DNM2: variants seen among roughly 807,000 people sequenced by gnomAD.
DNM2 encodes the protein dynamin 2.
Under a neutral mutation model 99.0 loss-of-function variants are expected in DNM2, and 15 were observed. The ratio of observed to expected loss-of-function variants is 0.15; its 90% confidence interval spans 0.10 to 0.23. The LOEUF is 0.23. Ranked by LOEUF, DNM2 falls within the 10% of genes least tolerant of loss-of-function variation. DNM2 has a pLI of 1.00. For synonymous variants in DNM2, 525 were observed against 481.2 expected (o/e 1.09, Z -1.19); for missense variants, 742 against 1,189.4 (o/e 0.62, Z 5.53).
At chr19:10,823,483 C>G (rs2073049230) in intron 16 of DNM2, 2 of 380,068 alleles carry the variant, frequency 5.3e-6, no homozygotes, top group Non-Finnish European at 1.0e-5. Context: ...TGAAAATGCC[C>G]CAGTGGGAGC....
intron 1 of DNM2, among the ~76,000 whole-genome samples, chr19:10,756,557 C>T (rs1451439941): frequency 6.6e-6 from 1 of 152,180 alleles, no homozygotes; most frequent in Admixed American, 6.5e-5. Context: ...CGTGACAGGC[C>T]TAGTGCCTGG....
chr19:10,758,617 G>T (rs2070507782), intron 1 of DNM2, among the ~76,000 whole-genome samples: 1 of 137,532 alleles, frequency 7.3e-6, no homozygotes, highest in Non-Finnish European at 1.6e-5. Flanking sequence ...CACGATCTCA[G>T]CTCACTGCAA....
At chr19:10,804,420 G>A (rs1826670911) in intron 12 of DNM2, among the ~76,000 whole-genome samples, 1 of 152,178 alleles carries the variant, frequency 6.6e-6, no homozygotes, top group South Asian at 2.1e-4. Flanking sequence ...CTGGCGCAGT[G>A]GCTCATGCCT....
In DNM2 at chr19:10,817,523, C is replaced by A. The variant is rs1253263682; in HGVS notation, c.1672-2457C>A. On this transcript the variant is annotated intron_variant, in intron 15 of 20. Transcript: ENST00000389253. The surrounding 1 kb of genome is among the most constrained non-coding windows in gnomAD (Gnocchi z 4.6). ...GGGCCGGCTATCCATCCTGCAGAACCCCCCAGGCAGACGCTGGGGCCACCA... is the reference window on the plus strand; with the variant it reads ...GGGCCGGCTATCCATCCTGCAGAACACCCCAGGCAGACGCTGGGGCCACCA... 4.5e-6 allele frequency: 2 copies of A among 442,536 alleles called. No individual in the cohort carries two copies. Among genetic ancestry groups the A allele is most frequent in the Admixed American group, 5.5e-5 (2 of 36,442 alleles). 27.4% of individuals were successfully genotyped at this position (442,536 alleles called of 1,614,324 possible).
chr19:10,823,991 A>G (rs886500407), intron 17 of DNM2, 92 bp downstream of exon 17: 2 of 1,256,614 alleles, frequency 1.6e-6, no homozygotes, highest in African/African-American at 1.5e-5. Flanking sequence ...TTTTCAGGCC[A>G]TGTTAGCCAG....
Position 10,812,261 on chromosome 19 carries a change from C to T in DNM2, c.1558-3C>T, listed in dbSNP as rs749134974. On this transcript the variant is annotated splice_region_variant and splice_polypyrimidine_tract_variant and intron_variant, in intron 14 of 20. Transcript: ENST00000389253. The surrounding 1 kb of genome is among the most constrained non-coding windows in gnomAD (Gnocchi z 4.0). ...CCCTGCTAAGCTGCGCGCTTTCCCC[C>T]AGGTGATCCGCAGGGGCTGGCTGAC... The T allele has an allele frequency of 1.3e-6, 2 of 1,593,188 alleles. No homozygotes were observed. The highest frequency in any genetic ancestry group is 4.5e-5 in the East Asian group (2 of 44,046).
intron 15 of DNM2, among the ~76,000 whole-genome samples, chr19:10,814,185 C>G (rs2072653400): frequency 6.6e-6 from 1 of 152,112 alleles, no homozygotes; most frequent in African/African-American, 2.4e-5. Flanking sequence ...TAAAAACAGG[C>G]TGGGCGCAGT....
At chr19:10,753,813 C>T (rs141758065) in intron 1 of DNM2, among the ~76,000 whole-genome samples, 140 of 151,988 alleles carry the variant, frequency 9.2e-4, no homozygotes, top group African/African-American at 3.3e-3. Flanking sequence ...CCCACCACCA[C>T]GCCTGGCTAA....
chr19:10,730,586 C>A (rs1430230731), intron 1 of DNM2, among the ~76,000 whole-genome samples: 1 of 152,128 alleles, frequency 6.6e-6, no homozygotes, highest in Admixed American at 6.5e-5. Context: ...AGACTCACAG[C>A]CTGCCTGGGG....
chr19:10,823,744 T>C (rs2073056410), intron 16 of DNM2, 44 bp from the exon 17 acceptor site: 1 of 1,578,568 alleles, frequency 6.3e-7, no homozygotes, highest in Non-Finnish European at 8.7e-7. Context: ...GCCAGACCCA[T>C]GGCAGGGTCA....
At position 10,812,460 on chromosome 19, in the gene DNM2, T is replaced by A. The variant is rs1444750796; in HGVS notation, c.1671+83T>A. ...GGTGGGCGCTCCCTCTGGGCAGAAC[T>A]CAGTCACTGCGCCACTCTGCCCTGA... On this transcript the variant is annotated intron_variant, in intron 15 of 20. Transcript: ENST00000389253. The surrounding 1 kb of genome is among the most constrained non-coding windows in gnomAD (Gnocchi z 4.0). 5 of 1,157,192 alleles carry A rather than the reference T, an allele frequency of 4.3e-6. No homozygotes were observed. Among genetic ancestry groups the A allele is most frequent in the African/African-American group, 3.1e-5 (2 of 64,790 alleles). The allele number at this position is 1,157,192 out of a possible 1,614,324, so 71.7% of individuals were successfully genotyped here.
intron 5 of DNM2, among the ~76,000 whole-genome samples, chr19:10,777,646 G>A (rs1281022756): frequency 6.6e-6 from 1 of 152,008 alleles, no homozygotes; most frequent in Non-Finnish European, 1.5e-5. Flanking sequence ...CCAAGCTATA[G>A]TACAGTGGCA....
intron 4 of DNM2, among the ~76,000 whole-genome samples, 200 bp downstream of exon 4, chr19:10,776,106 C>T (rs374760410): frequency 2.0e-4 from 30 of 152,188 alleles, no homozygotes; most frequent in Non-Finnish European, 3.5e-4. Context: ...GGCAGTTGGA[C>T]GGTCCTCCTT....
chr19:10,755,205 G>C (rs1046022602), intron 1 of DNM2: 1 of 152,246 alleles, frequency 6.6e-6, no homozygotes, highest in Non-Finnish European at 1.5e-5. Flanking sequence ...CGAACAGACT[G>C]TAGTCCATCA....
intron 14 of DNM2, chr19:10,809,018 A>C (rs745526336): frequency 5.5e-5 from 9 of 162,832 alleles, no homozygotes; most frequent in Non-Finnish European, 1.1e-4. Flanking sequence ...ACATGGCAGA[A>C]ATCTTGCCCT....
chr19:10,750,877 G>A (rs1392037378), intron 1 of DNM2, among the ~76,000 whole-genome samples: 3 of 151,962 alleles, frequency 2.0e-5, no homozygotes, highest in South Asian at 4.1e-4. Flanking sequence ...CTCCAGCCTG[G>A]GTGACAAAGC....
intron 1 of DNM2, among the ~76,000 whole-genome samples, chr19:10,746,525 G>A (rs1452831767): frequency 6.6e-6 from 1 of 152,078 alleles, no homozygotes; most frequent in African/African-American, 2.4e-5. Flanking sequence ...CCAGGTTCAA[G>A]CGATTCTCCC....
intron 1 of DNM2, among the ~76,000 whole-genome samples, chr19:10,734,741 G>GAT (rs2069463175): frequency 1.4e-5 from 2 of 147,932 alleles, no homozygotes; most frequent in African/African-American, 5.0e-5. Context: ...TTTTTATCGA[G>GAT]ATGGGGGTCT....
At chr19:10,766,396 G>A (rs2070796743) in intron 2 of DNM2, among the ~76,000 whole-genome samples, 1 of 152,008 alleles carries the variant, frequency 6.6e-6, no homozygotes, top group African/African-American at 2.4e-5. Flanking sequence ...TCTGGCAAGG[G>A]GCTGCTTCTT....
Sources: allele counts gnomAD v4.1 joint callset (sites outside exome capture counted in the v4.1 genomes callset), GRCh38; gene constraint gnomAD v4.1.1; non-coding constraint Gnocchi (gnomAD v3.1); transcripts MANE v1.5; gene names NCBI Gene and HGNC (gene_info 2026-07-23, HGNC 2026-07-21).